The following DTHD1 variants were observed in gnomAD, a reference collection of about 807,000 sequenced individuals.
DTHD1 encodes the protein death domain containing 1.
DTHD1 carries 59 observed loss-of-function variants against 74.8 expected under a neutral mutation model. That is an observed-to-expected ratio of 0.79 (90% CI 0.64 to 0.98). The LOEUF (loss-of-function observed/expected upper bound fraction) is 0.98. Among genes scored for constraint, DTHD1 ranks in the 50% least tolerant of loss-of-function variants. DTHD1 has a pLI of 0.00. For missense variants in DTHD1, 1,051 were observed against 1,065.4 expected, an observed-to-expected ratio of 0.99 and a Z score of 0.19; for synonymous variants, 365 against 371.1, an observed-to-expected ratio of 0.98 and a Z score of 0.19.
chr4:36,316,268 T>A lies in DTHD1; in HGVS notation c.2122T>A (p.Tyr708Asn), dbSNP rs1156490700. ...CAACGGGAAGGATTATGGAAAAGAC[T>A]ACACACTTATTTTTCACTTGCAAAG... ...SSNGKDYGKD[Y>N]TLIFHLQRKP... Residue 708 changes from tyrosine (Y) to asparagine (N), a missense_variant, in exon 8 of 10, where the codon TAC (tyrosine) becomes AAC (asparagine). Coordinates refer to ENST00000639862, the MANE Select transcript of DTHD1 (RefSeq NM_001170700.3). 3.2e-6 allele frequency: 5 copies of A among 1,551,468 alleles called. No homozygotes were observed. Among genetic ancestry groups the A allele is most frequent in the Non-Finnish European group, 4.4e-6 (5 of 1,146,930 alleles).
intron 8 of DTHD1, among the ~76,000 whole-genome samples, chr4:36,336,168 G>C (rs1403260121): frequency 6.6e-6 from 1 of 152,194 alleles, no homozygotes; most frequent in African/African-American, 2.4e-5. Flanking sequence ...TTTATAGAGG[G>C]CTGGAGAGTC....
intron 7 of DTHD1, 44 bp downstream of exon 7, chr4:36,308,537 C>T (rs1042396378): frequency 3.0e-5 from 44 of 1,455,458 alleles, no homozygotes; most frequent in Admixed American, 4.5e-5. Flanking sequence ...TGGCTATAAG[C>T]CACAAGCTCT....
At chr4:36,318,617 T>TC (rs1475173303) in intron 8 of DTHD1, among the ~76,000 whole-genome samples, 11 of 140,254 alleles carry the variant, frequency 7.8e-5, no homozygotes, top group South Asian at 4.7e-4. Flanking sequence ...CTTTTCTTTT[T>TC]TTTTTTTTTT....
intron 9 of DTHD1, among the ~76,000 whole-genome samples, chr4:36,341,433 T>C (rs1287679307): frequency 6.6e-6 from 1 of 152,132 alleles, no homozygotes; most frequent in African/African-American, 2.4e-5. Flanking sequence ...TCAAGTCAAA[T>C]GGCTTTGGGT....
At chr4:36,330,720 G>A (rs7678477) in intron 8 of DTHD1, among the ~76,000 whole-genome samples, 110,987 of 152,026 alleles carry the variant, frequency 0.73, 41,301 homozygotes, top group African/African-American at 0.86. Flanking sequence ...TAACACCCCA[G>A]ACCATTGTTA....
At chr4:36,318,692 G>A (rs1757880696) in intron 8 of DTHD1, among the ~76,000 whole-genome samples, 2 of 137,220 alleles carry the variant, frequency 1.5e-5, no homozygotes, top group African/African-American at 2.8e-5. Context: ...TCGGCTCACT[G>A]CAAGCTCCGC....
At chr4:36,301,701 C>T (rs995730531) in intron 5 of DTHD1, among the ~76,000 whole-genome samples, 2 of 152,144 alleles carry the variant, frequency 1.3e-5, no homozygotes, top group African/African-American at 4.8e-5. Context: ...TCTGTATACT[C>T]CTTGGTATAT....
chr4:36,315,592 G>A (rs1414757202), intron 7 of DTHD1: 1 of 152,174 alleles, frequency 6.6e-6, no homozygotes, highest in Non-Finnish European at 1.5e-5. Flanking sequence ...CTATTGTGAG[G>A]TCACAATATG....
rs112316288 is a variant in DTHD1, at chr4:36,309,327, C to T, written c.2095+834C>T. Among the ~76,000 whole-genome samples, 200 of 152,266 alleles carry T rather than the reference C, an allele frequency of 1.3e-3. 1 individual carries two copies. Among genetic ancestry groups the T allele is most frequent in the African/African-American group, 4.5e-3 (186 of 41,556 alleles). On this transcript the variant is annotated intron_variant, in intron 7 of 9. Transcript: ENST00000639862. ...AATTAGTCGGGTGTGGTGGCAGGTGCCTGTAATCCCAGCCGCTGGGAGGCT... is the reference window on the plus strand; with the variant it reads ...AATTAGTCGGGTGTGGTGGCAGGTGTCTGTAATCCCAGCCGCTGGGAGGCT...
chr4:36,283,765 T>C (rs1755532207), intron 1 of DTHD1: 5 of 553,408 alleles, frequency 9.0e-6, no homozygotes, highest in Non-Finnish European at 1.6e-5. Context: ...TTTGCTACCA[T>C]GTTAAAAATG....
chr4:36,327,258 C>T (rs74907836), intron 8 of DTHD1, among the ~76,000 whole-genome samples: 22 of 152,104 alleles, frequency 1.4e-4, no homozygotes, highest in Non-Finnish European at 2.8e-4. Flanking sequence ...TGAGCCACCG[C>T]GCCTGGCCCA....
rs1398189298 is a variant in DTHD1 at position 36,293,663 on chromosome 4, C to T, written c.1356C>T (p.Tyr452=). 28 of 1,526,852 alleles carry T rather than the reference C, an allele frequency of 1.8e-5. No individual in the cohort carries two copies. The highest frequency in any genetic ancestry group is 2.3e-5 in the Non-Finnish European group (26 of 1,132,296). The allele number at this position is 1,526,852 out of a possible 1,614,324, so 94.6% of individuals were successfully genotyped here. Residue 452 remains tyrosine, a synonymous_variant, in exon 4 of 10, where the codon TAC becomes TAT. Transcript: ENST00000639862. ...SSMDSRISLN[Y]PPGVFTSPVL... is the part of the protein sequence containing the mutation. ...TGGATTCCCGAATATCCTTAAATTA[C>T]CCTCCAGGAGTTTTTACCTCTCCAG...
At chr4:36,325,903 C>T (rs1034174459) in intron 8 of DTHD1, among the ~76,000 whole-genome samples, 3 of 152,174 alleles carry the variant, frequency 2.0e-5, no homozygotes, top group African/African-American at 7.2e-5. Context: ...AGGCTGCCTT[C>T]CTCACAATTG....
At chr4:36,305,911 G>A (rs1385917480) in intron 5 of DTHD1, among the ~76,000 whole-genome samples, 3 of 152,118 alleles carry the variant, frequency 2.0e-5, no homozygotes, top group African/African-American at 4.8e-5. Context: ...CAAGCTTCCC[G>A]AACCTCTTGC....
At chr4:36,301,728 A>C (rs1019731485) in intron 5 of DTHD1, among the ~76,000 whole-genome samples, 1 of 152,174 alleles carries the variant, frequency 6.6e-6, no homozygotes, top group African/African-American at 2.4e-5. Context: ...GATCGTCCCT[A>C]GGAATACACA....
intron 5 of DTHD1, among the ~76,000 whole-genome samples, chr4:36,305,726 G>A (rs371164773): frequency 2.6e-5 from 4 of 152,106 alleles, no homozygotes; most frequent in East Asian, 1.9e-4. Flanking sequence ...TTTTGCTCCT[G>A]GGTGTGTGCT....
intron 8 of DTHD1, among the ~76,000 whole-genome samples, chr4:36,329,029 C>T (rs537996843): frequency 3.3e-5 from 5 of 152,156 alleles, no homozygotes; most frequent in African/African-American, 7.2e-5. Context: ...GAGTAGAGCC[C>T]GCATGAGGAC....
At chr4:36,339,574 G>T (rs371634620) in intron 9 of DTHD1, among the ~76,000 whole-genome samples, 13 of 152,232 alleles carry the variant, frequency 8.5e-5, no homozygotes, top group African/African-American at 3.1e-4. Context: ...ATATTGATAT[G>T]AAACCATAAG....
At chr4:36,299,861 T>C (rs1756656261) in intron 5 of DTHD1, among the ~76,000 whole-genome samples, 1 of 152,062 alleles carries the variant, frequency 6.6e-6, no homozygotes, top group Admixed American at 6.6e-5. Context: ...AAGTTATATT[T>C]TCCCAGCTAC....
Sources: gnomAD v4.1 joint callset for allele counts (sites outside exome capture counted in the v4.1 genomes callset) on GRCh38, gnomAD v4.1.1 for gene constraint, MANE v1.5 for transcripts, NCBI Gene and HGNC (gene_info 2026-07-23, HGNC 2026-07-21) for gene names.